Variants in SLC25A48 observed in about 807,000 individuals in gnomAD.
SLC25A48 encodes CTC-321K16.1.
A neutral mutation model predicts 32.2 loss-of-function variants in SLC25A48; 29 were observed. That is an observed-to-expected ratio of 0.90 (90% CI 0.67 to 1.23). The LOEUF is 1.23. SLC25A48 is among the 50% of genes most tolerant of loss of function. The probability of loss-of-function intolerance (pLI) is 0.00; values close to 1 mark genes in which losing one functional copy is unlikely to be tolerated. For missense variants in SLC25A48, 399 were observed against 422.7 expected, an observed-to-expected ratio of 0.94 and a Z score of 0.49; for synonymous variants, 164 against 172.3, an observed-to-expected ratio of 0.95 and a Z score of 0.38.
chr5:135,771,269 A>G (rs753546827), intron 3 of SLC25A48, among the ~76,000 whole-genome samples: 28 of 151,574 alleles, frequency 1.8e-4, no homozygotes, highest in Admixed American at 6.6e-5. Flanking sequence ...CCTCTGCGAT[A>G]TGGTTCATAA....
At chr5:135,652,016 C>G (rs944462044) in intron 3 of SLC25A48, among the ~76,000 whole-genome samples, 5 of 152,224 alleles carry the variant, frequency 3.3e-5, no homozygotes, top group Non-Finnish European at 5.9e-5. Context: ...AATAATCAGA[C>G]AAAATAACAT....
chr5:135,611,478 C>CAG (rs1752061416), intron 1 of SLC25A48, among the ~76,000 whole-genome samples: 1 of 92,514 alleles, frequency 1.1e-5, no homozygotes, highest in South Asian at 4.2e-4. Flanking sequence ...GACTCGGTGA[C>CAG]AGAGCGAGAC....
intron 1 of SLC25A48, among the ~76,000 whole-genome samples, chr5:135,604,746 A>G (rs1751890617): frequency 6.6e-6 from 1 of 152,230 alleles, no homozygotes; most frequent in Non-Finnish European, 1.5e-5. Flanking sequence ...ACAGGAGACC[A>G]AACTAGAATA....
chr5:135,678,441 T>C (rs1237905287), intron 3 of SLC25A48, among the ~76,000 whole-genome samples: 1 of 152,232 alleles, frequency 6.6e-6, no homozygotes, highest in Non-Finnish European at 1.5e-5. Flanking sequence ...CTTTTTCTGA[T>C]TTATTTGTAT....
At chr5:135,750,002 G>C (rs73789129) in intron 3 of SLC25A48, among the ~76,000 whole-genome samples, 1 of 152,084 alleles carries the variant, frequency 6.6e-6, no homozygotes, top group Non-Finnish European at 1.5e-5. Flanking sequence ...ACCATCCATC[G>C]TCTGTCTCTA....
chr5:135,663,909 G>A (rs1222590994), intron 3 of SLC25A48, among the ~76,000 whole-genome samples: 2 of 152,136 alleles, frequency 1.3e-5, no homozygotes, highest in South Asian at 2.1e-4. Context: ...GGTGATGCCC[G>A]TACATGAGCC....
chr5:135,776,696 T>C (rs1756570531), intron 3 of SLC25A48, among the ~76,000 whole-genome samples: 1 of 150,534 alleles, frequency 6.6e-6, no homozygotes, highest in Admixed American at 6.7e-5. Flanking sequence ...ACAGAGGGTG[T>C]ACACACACCC....
intron 3 of SLC25A48, among the ~76,000 whole-genome samples, chr5:135,745,580 C>G (rs1215570171): frequency 6.6e-6 from 1 of 152,134 alleles, no homozygotes; most frequent in Non-Finnish European, 1.5e-5. Context: ...AAAAAAGATT[C>G]TCCCCCTGCC....
chr5:135,776,780 G>A (rs4342327), intron 3 of SLC25A48, among the ~76,000 whole-genome samples: 45,743 of 151,032 alleles, frequency 0.3, 7,077 homozygotes, highest in East Asian at 0.46. Flanking sequence ...GGGGTTGTAC[G>A]CATTTCTGGC....
chr5:135,587,022 AT>A (rs549657099), intron 1 of SLC25A48, among the ~76,000 whole-genome samples: 1 of 151,818 alleles, frequency 6.6e-6, no homozygotes, highest in Admixed American at 6.6e-5. Context: ...AGGGCATTGT[AT>A]TTTTTTTGTT....
chr5:135,613,332 C>T (rs767111955), intron 1 of SLC25A48, among the ~76,000 whole-genome samples: 2 of 151,968 alleles, frequency 1.3e-5, no homozygotes, highest in Non-Finnish European at 2.9e-5. Context: ...GACATTAGTC[C>T]TTTATTGGAT....
At chr5:135,690,928 T>C (rs1053606597) in intron 3 of SLC25A48, among the ~76,000 whole-genome samples, 1 of 143,138 alleles carries the variant, frequency 7.0e-6, no homozygotes, top group Admixed American at 7.2e-5. Context: ...TCCCAAAGTG[T>C]GTCTTCAGGG....
chr5:135,701,389 A>G (rs1250734047), intron 3 of SLC25A48, among the ~76,000 whole-genome samples: 2 of 152,006 alleles, frequency 1.3e-5, no homozygotes, highest in Non-Finnish European at 2.9e-5. Context: ...CCTCCTTGTT[A>G]CCAAAGTTAG....
intron 3 of SLC25A48, among the ~76,000 whole-genome samples, chr5:135,688,097 T>C (rs1275707949): frequency 1.2e-5 from 1 of 82,842 alleles, no homozygotes; most frequent in African/African-American, 4.5e-5. Flanking sequence ...TTCACTACTC[T>C]AAGTACCTCA....
intron 3 of SLC25A48, among the ~76,000 whole-genome samples, chr5:135,785,398 A>T (rs940923079): frequency 6.6e-6 from 1 of 150,434 alleles, no homozygotes; most frequent in Non-Finnish European, 1.5e-5. Context: ...GGATTGTAAT[A>T]TCCAGTGGGG....
intron 3 of SLC25A48, among the ~76,000 whole-genome samples, chr5:135,743,532 G>A (rs969690763): frequency 6.6e-6 from 1 of 152,134 alleles, no homozygotes; most frequent in Non-Finnish European, 1.5e-5. Flanking sequence ...AACCCTGATA[G>A]ATAGCAGGCA....
chr5:135,785,761 C>A (rs1372745637), intron 3 of SLC25A48, among the ~76,000 whole-genome samples: 2 of 148,374 alleles, frequency 1.3e-5, no homozygotes, highest in African/African-American at 2.5e-5. Flanking sequence ...GGTGAAACAT[C>A]CCGCTTGCCC....
chr5:135,643,611 C>T (rs1347996393), intron 3 of SLC25A48, among the ~76,000 whole-genome samples: 2 of 152,194 alleles, frequency 1.3e-5, no homozygotes, highest in Non-Finnish European at 2.9e-5. Context: ...TTCGCAGAGT[C>T]AACTCTCCCA....
At chr5:135,627,298 C>T (rs1399447256) in intron 1 of SLC25A48, among the ~76,000 whole-genome samples, 1 of 152,166 alleles carries the variant, frequency 6.6e-6, no homozygotes, top group African/African-American at 2.4e-5. Flanking sequence ...TATTTCTCCT[C>T]ATGTCTGTTT....
Sources: gnomAD v4.1 joint callset for allele counts (sites outside exome capture counted in the v4.1 genomes callset) on GRCh38, gnomAD v4.1.1 for gene constraint, MANE v1.5 for transcripts, NCBI Gene and HGNC (gene_info 2026-07-23, HGNC 2026-07-21) for gene names.